ST3GAL2: variants seen among roughly 807,000 people sequenced by gnomAD.
ST3GAL2 encodes the protein ST3 beta-galactoside alpha-2,3-sialyltransferase 2.
Under a neutral mutation model 37.5 loss-of-function variants are expected in ST3GAL2, and 16 were observed. The ratio of observed to expected loss-of-function variants is 0.43; its 90% confidence interval spans 0.29 to 0.65. The LOEUF (loss-of-function observed/expected upper bound fraction) is 0.65, where lower values mean the gene tolerates loss of function less well. ST3GAL2 is among the 30% of genes least tolerant of loss of function. The probability of loss-of-function intolerance (pLI) is 0.17; values close to 1 mark genes in which losing one functional copy is unlikely to be tolerated. For synonymous variants in ST3GAL2, 238 were observed against 202.9 expected (o/e 1.17, Z -1.47); for missense variants, 383 against 487.8 (o/e 0.79, Z 2.02).
chr16:70,381,143 G>A lies in ST3GAL2; in HGVS notation c.*546C>T, dbSNP rs959130739. On this transcript the variant is annotated 3_prime_UTR_variant, in exon 7 of 7. Coordinates refer to ENST00000342907, the MANE Select transcript of ST3GAL2 (RefSeq NM_006927.4). ...CGCAGCCATCCCACAGCGCGGCCGA[G>A]GTGGGACTGGGGGTCCCGCAGCGAC... 2 of 152,492 alleles carry A rather than the reference G, an allele frequency of 1.3e-5. No individual in the cohort carries two copies. The highest frequency in any genetic ancestry group is 2.9e-5 in the Non-Finnish European group (2 of 68,154). The allele number at this position is 152,492 out of a possible 1,614,324, so 9.4% of individuals were successfully genotyped here. A position where few individuals can be genotyped will look rare whatever the true frequency, so the allele number is the denominator to read the frequency against.
At chr16:70,409,251 AG>A (rs1269140402) in intron 1 of ST3GAL2, among the ~76,000 whole-genome samples, 1 of 152,116 alleles carries the variant, frequency 6.6e-6, no homozygotes, top group Non-Finnish European at 1.5e-5. Flanking sequence ...TGGGCAACAG[AG>A]TGAGACCTCA....
rs1004959862 is a variant in ST3GAL2 at position 70,381,369 on chromosome 16, G to T, written c.*320C>A. On this transcript the variant is annotated 3_prime_UTR_variant, in exon 7 of 7. Transcript: ENST00000342907. The stretch of plus-strand genomic sequence containing the variant: ...GCTCTCCTCCTCAGAAAGCGTGAAA[G>T]AAAACCCTAACCCAAAGCATGAGGG... 14 of 272,354 alleles carry T rather than the reference G, an allele frequency of 5.1e-5. No homozygotes were observed. The East Asian group carries it at 1.1e-3, about 21-fold the overall frequency. The allele number at this position is 272,354 out of a possible 1,614,324, so 16.9% of individuals were successfully genotyped here. A position where few individuals can be genotyped will look rare whatever the true frequency, so the allele number is the denominator to read the frequency against.
Position 70,381,699 on chromosome 16 carries a change from C to T in ST3GAL2, c.1043G>A (p.Arg348Gln), listed in dbSNP as rs573917099. The T allele has an allele frequency of 1.9e-6, 3 of 1,613,622 alleles. No homozygotes were observed. Among genetic ancestry groups the T allele is most frequent in the Non-Finnish European group, 2.5e-6 (3 of 1,179,844 alleles). The change falls in exon 7 of 7, where the codon CGG becomes CAG. Residue 348 changes from arginine to glutamine, a missense_variant. Physicochemically the swap from Arg to Gln is conservative, Grantham distance 43. Transcript: ENST00000342907. ...LAKASKIEVY[R>Q]GN ...GCGGCGAGGCCCGGCTCAGTTGCCC[C>T]GGTAGACTTCGATCTTGCTGGCCTT...
chr16:70,398,649 T>G lies in ST3GAL2; in HGVS notation c.-119A>C. The G allele has an allele frequency of 1.1e-6, 1 of 949,848 alleles. No individual in the cohort carries two copies. Among genetic ancestry groups the G allele is most frequent in the Non-Finnish European group, 1.5e-6 (1 of 646,420 alleles). The allele number at this position is 949,848 out of a possible 1,614,324, so 58.8% of individuals were successfully genotyped here. On this transcript the variant is annotated 5_prime_UTR_variant, in exon 2 of 7. Transcript: ENST00000342907. ...ATGCAAAGGGCATAGGGGCACGTGCTGCAGCAGGGGACAGTGGCAGGGGTC... is the reference window on the plus strand; with the variant it reads ...ATGCAAAGGGCATAGGGGCACGTGCGGCAGCAGGGGACAGTGGCAGGGGTC...
At chr16:70,420,957 A>AAGTT in intron 1 of ST3GAL2, among the ~76,000 whole-genome samples, 1 of 152,282 alleles carries the variant, frequency 6.6e-6, no homozygotes, top group Admixed American at 6.5e-5. Context: ...TCCAACAGGG[A>AAGTT]CCCTGGAAGT....
intron 1 of ST3GAL2, among the ~76,000 whole-genome samples, chr16:70,405,744 A>T (rs2047586932): frequency 6.6e-6 from 1 of 151,718 alleles, no homozygotes; most frequent in Non-Finnish European, 1.5e-5. Context: ...GATGTTCCAA[A>T]ATTGTTTGTG....
intron 1 of ST3GAL2, among the ~76,000 whole-genome samples, chr16:70,429,638 C>CTT (rs1027728995): frequency 8.1e-4 from 73 of 89,978 alleles, no homozygotes; most frequent in Non-Finnish European, 1.1e-3. Context: ...GCTTTAAATT[C>CTT]TTTTTTTTTT....
chr16:70,425,216 C>A (rs554528599), intron 1 of ST3GAL2, among the ~76,000 whole-genome samples: 133 of 152,226 alleles, frequency 8.7e-4, no homozygotes, highest in Non-Finnish European at 1.4e-3. Flanking sequence ...AATTCCAGCA[C>A]TTTAGGAGGC....
chr16:70,402,017 A>AC (rs71286203), intron 1 of ST3GAL2, among the ~76,000 whole-genome samples: 2 of 149,166 alleles, frequency 1.3e-5, no homozygotes, highest in East Asian at 4.0e-4. Flanking sequence ...AAAAAAAAAA[A>AC]GACCAGGCAT....
At chr16:70,399,773 C>CT in intron 1 of ST3GAL2, 1 of 237,844 alleles carries the variant, frequency 4.2e-6, no homozygotes, top group African/African-American at 2.2e-5. Flanking sequence ...GTAAACGAGT[C>CT]AAGTGATTTT....
At position 70,376,665 on chromosome 16, in the gene ST3GAL2, T is replaced by C. The variant is rs1478861240; in HGVS notation, c.*5024A>G. ...TATTTTTAAAAATATAGTTTCAGTA[T>C]TTTACCTTCCCTGATGCCTCTGACC... On this transcript the variant is annotated 3_prime_UTR_variant, in exon 7 of 7. Coordinates refer to ENST00000342907, the MANE Select transcript of ST3GAL2 (RefSeq NM_006927.4). The C allele has an allele frequency of 2.0e-5, 3 of 152,192 alleles. No homozygotes were observed. Among genetic ancestry groups the C allele is most frequent in the Non-Finnish European group, 4.4e-5 (3 of 68,036 alleles). The allele number at this position is 152,192 out of a possible 1,614,324, so 9.4% of individuals were successfully genotyped here. A position where few individuals can be genotyped will look rare whatever the true frequency, so the allele number is the denominator to read the frequency against.
intron 1 of ST3GAL2, among the ~76,000 whole-genome samples, chr16:70,413,454 G>A (rs1044602341): frequency 1.4e-5 from 2 of 145,256 alleles, no homozygotes. Flanking sequence ...GGTGGCTCGC[G>A]CCTATAATCC....
At position 70,398,838 on chromosome 16, in the gene ST3GAL2, C is replaced by T. The variant is rs2047535951; in HGVS notation, c.-308G>A. 1 of 552,672 alleles carries T rather than the reference C, an allele frequency of 1.8e-6. No individual in the cohort carries two copies. The highest frequency in any genetic ancestry group is 3.2e-6 in the Non-Finnish European group (1 of 312,084). The allele number at this position is 552,672 out of a possible 1,614,324, so 34.2% of individuals were successfully genotyped here. On this transcript the variant is annotated 5_prime_UTR_variant, in exon 2 of 7. The change abolishes the stop of an existing upstream ORF in the 5' untranslated region. Transcript: ENST00000342907. Reference sequence around the variant, plus strand: ...CCTGCCACCCTGGTGAGGGGGAGGTCAGTCCATTGCAGCCCTCTAGTCCCT... The same window carrying T: ...CCTGCCACCCTGGTGAGGGGGAGGTTAGTCCATTGCAGCCCTCTAGTCCCT...
rs1316976751 is a variant in ST3GAL2, at chr16:70,380,670, T to A, written c.*1019A>T. ...CTCAGAATTTGCAAAGAATCTGCGG[T>A]TTGGCCACCCACGGCAGCTTCAGCT... On this transcript the variant is annotated 3_prime_UTR_variant, in exon 7 of 7. Coordinates refer to ENST00000342907, the MANE Select transcript of ST3GAL2 (RefSeq NM_006927.4). The A allele has an allele frequency of 6.6e-6, 1 of 152,302 alleles. No individual in the cohort carries two copies. The highest frequency in any genetic ancestry group is 1.5e-5 in the Non-Finnish European group (1 of 68,148). The allele number at this position is 152,302 out of a possible 1,614,324, so 9.4% of individuals were successfully genotyped here.
chr16:70,415,925 G>A (rs1190546990), intron 1 of ST3GAL2, among the ~76,000 whole-genome samples: 4 of 150,480 alleles, frequency 2.7e-5, no homozygotes, highest in Middle Eastern at 3.5e-3. Context: ...ACAGGCACGC[G>A]CCACCACGCC....
intron 1 of ST3GAL2, among the ~76,000 whole-genome samples, chr16:70,415,389 G>C (rs74026025): frequency 7.9e-5 from 12 of 152,280 alleles, no homozygotes; most frequent in Non-Finnish European, 1.6e-4. Flanking sequence ...GGGCGGCACG[G>C]GGAAGGTCAC....
chr16:70,410,608 T>C (rs2151669715), intron 1 of ST3GAL2, among the ~76,000 whole-genome samples: 1 of 152,046 alleles, frequency 6.6e-6, no homozygotes, highest in East Asian at 1.9e-4. Context: ...ACTTTTTTTT[T>C]AGTGATTAAT....
At chr16:70,416,687 T>C (rs1381277330) in intron 1 of ST3GAL2, among the ~76,000 whole-genome samples, 1 of 151,862 alleles carries the variant, frequency 6.6e-6, no homozygotes, top group East Asian at 1.9e-4. Context: ...CCCCCACTTT[T>C]CCATCTCTGA....
chr16:70,401,523 TA>T (rs200578798), intron 1 of ST3GAL2, among the ~76,000 whole-genome samples: 6 of 147,912 alleles, frequency 4.1e-5, no homozygotes, highest in Non-Finnish European at 6.0e-5. Context: ...GGGGAGGAGC[TA>T]AAAAAAAAAT....
Sources: gnomAD v4.1 joint callset for allele counts (sites outside exome capture counted in the v4.1 genomes callset) on GRCh38, gnomAD v4.1.1 for gene constraint, MANE v1.5 for transcripts, NCBI Gene and HGNC (gene_info 2026-07-23, HGNC 2026-07-21) for gene names.